The following TMEM254 variants were observed in gnomAD, a reference collection of about 807,000 sequenced individuals.
TMEM254 encodes the protein transmembrane protein C10orf57.
Under a neutral mutation model 13.9 loss-of-function variants are expected in TMEM254, and 16 were observed. The ratio of observed to expected loss-of-function variants is 1.15; its 90% CI spans 0.78 to 1.75. TMEM254 has a LOEUF of 1.75. Ranked by LOEUF, TMEM254 falls within the 40% of genes most tolerant of loss-of-function variation. The pLI is 0.00. For missense variants in TMEM254, 155 were observed against 149.0 expected, an observed-to-expected ratio of 1.04 and a Z score of -0.21; for synonymous variants, 61 against 56.4, an observed-to-expected ratio of 1.08 and a Z score of -0.36.
At chr10:80,082,061 CT>C (rs1844063430) in intron 2 of TMEM254, 83 bp from the exon 3 acceptor site, 3 of 1,583,428 alleles carry the variant, frequency 1.9e-6, no homozygotes, top group Non-Finnish European at 2.6e-6. Context: ...CCTTAAGGCA[CT>C]TTTCTTTTTG....
At position 80,078,906 on chromosome 10, in the gene TMEM254, G is replaced by A. The variant is rs78187241; in HGVS notation, c.87+120G>A. The A allele has an allele frequency of 1.4e-3, 2,126 of 1,522,610 alleles. 27 individuals are homozygous for A. The African/African-American group carries it at 0.026, about 19-fold the overall frequency. 94.3% of individuals were successfully genotyped at this position (1,522,610 alleles called of 1,614,324 possible). ...TCGTGCAAGCACAATCCCGACTCCCGCGCGCTAGGAGCGGAGGGGAGGGGA... is the reference window on the plus strand; with the variant it reads ...TCGTGCAAGCACAATCCCGACTCCCACGCGCTAGGAGCGGAGGGGAGGGGA... On this transcript the variant is annotated intron_variant, in intron 1 of 3. Transcript: ENST00000372281.
At chr10:80,081,550 C>G (rs1844023480) in intron 1 of TMEM254, 2 of 757,904 alleles carry the variant, frequency 2.6e-6, no homozygotes, top group Non-Finnish European at 4.3e-6. Flanking sequence ...CACGTGTAGT[C>G]CCATCTACTT....
chr10:80,079,156 TCA>T (rs1229233249), intron 1 of TMEM254: 1 of 1,294,958 alleles, frequency 7.7e-7, no homozygotes, highest in East Asian at 5.8e-5. Context: ...CCCTCTCTGG[TCA>T]CAGTCCTGGG....
chr10:80,081,900 C>G lies in TMEM254; in HGVS notation c.147C>G (p.Phe49Leu). 6.2e-7 allele frequency: 1 copy of G among 1,614,216 alleles called. No individual in the cohort carries two copies. The highest frequency in any genetic ancestry group is 8.5e-7 in the Non-Finnish European group (1 of 1,180,028). Residue 49 changes from phenylalanine (F) to leucine (L), a missense_variant, in exon 2 of 4, where the codon TTC (phenylalanine) becomes TTG (leucine). Coordinates refer to ENST00000372281, the MANE Select transcript of TMEM254 (RefSeq NM_025125.4). ...PYQNLGPLGPFTQYLVDHHHT... is the reference protein window; with the variant it reads ...PYQNLGPLGPLTQYLVDHHHT... ...AGAACCTTGGGCCCCTGGGCCCCTT[C>G]ACTCAGTACTTGGTGGACCACCATC...
intron 1 of TMEM254, among the ~76,000 whole-genome samples, chr10:80,080,940 C>T (rs191869756): frequency 5.1e-4 from 77 of 152,236 alleles, no homozygotes; most frequent in African/African-American, 1.8e-3. Context: ...ATTAGCTGGG[C>T]GTGGTGGCAT....
At chr10:80,081,620 A>T in intron 1 of TMEM254, 1 of 1,452,368 alleles carries the variant, frequency 6.9e-7, no homozygotes, top group South Asian at 1.3e-5. Flanking sequence ...GTGAGTCATG[A>T]TCATGCCACT....
At chr10:80,079,191 C>CGTGGG (rs1843821692) in intron 1 of TMEM254, 1 of 395,180 alleles carries the variant, frequency 2.5e-6, no homozygotes, top group Non-Finnish European at 4.8e-6. Flanking sequence ...CGCGGTGAGG[C>CGTGGG]GTGGGGTGGG....
At chr10:80,083,509 C>T (rs988553672) in intron 3 of TMEM254, among the ~76,000 whole-genome samples, 2 of 152,168 alleles carry the variant, frequency 1.3e-5, no homozygotes, top group East Asian at 1.9e-4. Context: ...CACCTTCCAC[C>T]GTATCTCTGG....
rs1467626537 is a variant in TMEM254 at position 80,091,441 on chromosome 10, A to T, written c.*524A>T. 1.3e-5 allele frequency: 2 copies of T among 152,314 alleles called. No homozygotes were observed. The highest frequency in any genetic ancestry group is 2.4e-5 in the African/African-American group (1 of 41,408). 9.4% of individuals were successfully genotyped at this position (152,314 alleles called of 1,614,324 possible). On this transcript the variant is annotated 3_prime_UTR_variant, in exon 4 of 4. Transcript: ENST00000372281. ...CTATCCTCTCAAACTTCCATTTCTC[A>T]TGCTACAGAGAAAGATAAGGAAGAT...
intron 1 of TMEM254, among the ~76,000 whole-genome samples, chr10:80,080,377 T>C (rs1843930556): frequency 6.6e-6 from 1 of 152,242 alleles, no homozygotes; most frequent in East Asian, 1.9e-4. Flanking sequence ...GAAGTTACAA[T>C]ACAGAGGCTG....
At chr10:80,086,501 T>C (rs958086673) in intron 3 of TMEM254, 5 of 280,224 alleles carry the variant, frequency 1.8e-5, no homozygotes, top group African/African-American at 6.6e-5. Flanking sequence ...AAAACAAACA[T>C]GTTTGTTTTT....
chr10:80,080,870 A>G (rs1431466542), intron 1 of TMEM254, among the ~76,000 whole-genome samples: 3 of 152,096 alleles, frequency 2.0e-5, no homozygotes, highest in Non-Finnish European at 4.4e-5. Flanking sequence ...ACCTGATGTC[A>G]GGAGTTGGAG....
intron 1 of TMEM254, 188 bp downstream of exon 1, chr10:80,078,974 C>G: frequency 1.3e-6 from 2 of 1,539,348 alleles, no homozygotes; most frequent in Non-Finnish European, 1.8e-6. Context: ...CCGCCAGGGT[C>G]TTGGGCGGGC....
chr10:80,090,769 T>C (rs1168374723), intron 3 of TMEM254, 28 bp from the exon 4 acceptor site: 1 of 1,600,566 alleles, frequency 6.2e-7, no homozygotes, highest in African/African-American at 1.3e-5. Flanking sequence ...TAACATCTCG[T>C]GTTTAAATTT....
rs1285543177 is a variant in TMEM254 at position 80,092,121 on chromosome 10, GCTT to G, written c.*1209_*1211del. The G allele has an allele frequency of 2.0e-5, 3 of 152,174 alleles. No homozygotes were observed. The highest frequency in any genetic ancestry group is 7.2e-5 in the African/African-American group (3 of 41,440). 9.4% of individuals were successfully genotyped at this position (152,174 alleles called of 1,614,324 possible). On this transcript the variant is annotated 3_prime_UTR_variant, in exon 4 of 4. Transcript: ENST00000372281. ...TCTGTCACCACTAGGAGCCATTAGG[GCTT>G]CTTCCCTGGAGGACTGCCTGCTTGC...
chr10:80,080,689 A>G (rs1385606029), intron 1 of TMEM254, among the ~76,000 whole-genome samples: 1 of 152,182 alleles, frequency 6.6e-6, no homozygotes, highest in Non-Finnish European at 1.5e-5. Context: ...CTGTAATCCC[A>G]GCACTTTGGG....
intron 3 of TMEM254, chr10:80,086,120 A>T: frequency 1.7e-6 from 1 of 578,586 alleles, no homozygotes; most frequent in African/African-American, 2.0e-5. Context: ...GGCAGGAAAA[A>T]GTGTACTCAC....
chr10:80,090,117 A>G (rs769647985), intron 3 of TMEM254, among the ~76,000 whole-genome samples: 4 of 152,066 alleles, frequency 2.6e-5, no homozygotes, highest in Non-Finnish European at 5.9e-5. Context: ...GCTTTTACAT[A>G]TATTGTTTTT....
intron 3 of TMEM254, among the ~76,000 whole-genome samples, chr10:80,084,228 A>T (rs1844199967): frequency 6.6e-6 from 1 of 152,210 alleles, no homozygotes; most frequent in African/African-American, 2.4e-5. Flanking sequence ...ACTCATCACC[A>T]GGGATCTCCC....
Sources: gnomAD v4.1 joint callset for allele counts (sites outside exome capture counted in the v4.1 genomes callset) on GRCh38, gnomAD v4.1.1 for gene constraint, MANE v1.5 for transcripts, NCBI Gene and HGNC (gene_info 2026-07-23, HGNC 2026-07-21) for gene names.